The following GREB1L variants were observed in gnomAD, a reference collection of about 807,000 sequenced individuals.
GREB1L encodes GREB1 like retinoic acid receptor coactivator, also known as GREB1-like protein.
GREB1L carries 17 observed loss-of-function variants against 200.8 expected under a neutral mutation model. The ratio of observed to expected loss-of-function variants is 0.08; its 90% CI spans 0.06 to 0.13. The LOEUF (loss-of-function observed/expected upper bound fraction) is 0.13. Among genes scored for constraint, GREB1L ranks in the 10% least tolerant of loss-of-function variants. GREB1L has a pLI of 1.00. For synonymous variants in GREB1L, 789 were observed against 893.0 expected (o/e 0.88, Z 2.08); for missense variants, 1,657 against 2,367.7 (o/e 0.70, Z 6.23).
chr18:21,422,298 C>A (rs2032221119), intron 7 of GREB1L, among the ~76,000 whole-genome samples: 1 of 152,112 alleles, frequency 6.6e-6, no homozygotes, highest in African/African-American at 2.4e-5. Context: ...CCCAAATAAT[C>A]AAAACTGTTC....
At chr18:21,429,034 T>C (rs970554446) in intron 7 of GREB1L, among the ~76,000 whole-genome samples, 6 of 152,086 alleles carry the variant, frequency 3.9e-5, no homozygotes, top group African/African-American at 1.4e-4. Flanking sequence ...CCTTTTTATA[T>C]GCTGCTAGAT....
At chr18:21,270,579 C>T (rs2038062619) in intron 1 of GREB1L, among the ~76,000 whole-genome samples, 1 of 152,228 alleles carries the variant, frequency 6.6e-6, no homozygotes, top group Admixed American at 6.5e-5. Context: ...TGTCCTCTCT[C>T]ATCCCGCCCT....
At position 21,403,883 on chromosome 18, in the gene GREB1L, C is replaced by G; in HGVS notation, c.721C>G (p.Arg241Gly). The change falls in exon 7 of 33, where the codon CGA becomes GGA. Residue 241 changes from arginine to glycine, a missense_variant. Physicochemically the swap from Arg to Gly is moderately radical, Grantham distance 125. This residue lies in a region of GREB1L where 289 missense variants were observed against 345.1 expected (regional missense o/e 0.84). Transcript: ENST00000424526. ...TTACTCTTTTCCAGAATGTAGAAGC[C>G]GACAATCCTCTGCTTCTTGCCACTC... ...PLICWKECRS[R>G]QSSASCHSIK... 1 of 1,550,988 alleles carries G rather than the reference C, an allele frequency of 6.4e-7. No homozygotes were observed. Among genetic ancestry groups the G allele is most frequent in the Non-Finnish European group, 8.7e-7 (1 of 1,146,406 alleles).
intron 27 of GREB1L, among the ~76,000 whole-genome samples, chr18:21,513,219 C>T (rs1242790725): frequency 6.6e-6 from 1 of 152,178 alleles, no homozygotes; most frequent in Non-Finnish European, 1.5e-5. Flanking sequence ...CCTGTCTCTT[C>T]TCTTAATCTC....
rs2037670223 is a variant in GREB1L at position 21,525,491 on chromosome 18, C to T, written c.*2670C>T. ...ACAAGCTCCCTGACTCTGGCAATGT[C>T]CTAAAAAGGCTGGAAGTCAGTCACA... is the stretch of plus-strand genomic sequence containing the variant. On this transcript the variant is annotated 3_prime_UTR_variant, in exon 33 of 33. Coordinates refer to ENST00000424526, the MANE Select transcript of GREB1L (RefSeq NM_001142966.3). The T allele has an allele frequency of 6.6e-6, 1 of 151,886 alleles. No individual in the cohort carries two copies. Among genetic ancestry groups the T allele is most frequent in the Non-Finnish European group, 1.5e-5 (1 of 67,990 alleles). 9.4% of individuals were successfully genotyped at this position (151,886 alleles called of 1,614,324 possible).
chr18:21,501,764 G>C (rs1210691066), intron 23 of GREB1L, among the ~76,000 whole-genome samples: 2 of 152,146 alleles, frequency 1.3e-5, no homozygotes, highest in East Asian at 3.9e-4. Flanking sequence ...CTGAGTGAAG[G>C]CACGGGATTA....
intron 19 of GREB1L, among the ~76,000 whole-genome samples, 194 bp downstream of exon 19, chr18:21,490,545 AGCATGCAGTTAGT>A (rs2036292456): frequency 6.6e-6 from 1 of 152,268 alleles, no homozygotes; most frequent in East Asian, 1.9e-4. Flanking sequence ...AGCCCTTTAT[AGCATGCAGTTAGT>A]GCATGCAGTT....
intron 2 of GREB1L, among the ~76,000 whole-genome samples, chr18:21,372,304 C>G (rs1234364227): frequency 1.3e-5 from 2 of 151,738 alleles, no homozygotes; most frequent in Non-Finnish European, 2.9e-5. Flanking sequence ...CCCGCCACCC[C>G]GCCAGGCCAA....
At chr18:21,389,379 G>A (rs1298059809) in intron 4 of GREB1L, among the ~76,000 whole-genome samples, 1 of 112,426 alleles carries the variant, frequency 8.9e-6, no homozygotes, top group Admixed American at 1.1e-4. Flanking sequence ...CTCTTTTCAC[G>A]GGCACAGGAA....
chr18:21,386,489 C>G (rs1198373249), intron 4 of GREB1L, among the ~76,000 whole-genome samples: 2 of 151,734 alleles, frequency 1.3e-5, no homozygotes, highest in Admixed American at 1.3e-4. Context: ...TGGGGTTTCA[C>G]CATCTTGACC....
At chr18:21,437,063 G>A (rs2033595171) in intron 7 of GREB1L, among the ~76,000 whole-genome samples, 1 of 152,100 alleles carries the variant, frequency 6.6e-6, no homozygotes, top group South Asian at 2.1e-4. Context: ...AGCATAAAGA[G>A]AGCCTGTCAT....
At chr18:21,447,310 T>A (rs72882830) in intron 11 of GREB1L, among the ~76,000 whole-genome samples, 31,176 of 151,572 alleles carry the variant, frequency 0.21, 3,822 homozygotes, top group East Asian at 0.43. Context: ...AAAAAAAAAA[T>A]TTTTTTAAAA....
At position 21,522,640 on chromosome 18, in the gene GREB1L, CTG is replaced by C. The variant is rs893286686; in HGVS notation, c.5609-16_5609-15del. The C allele has an allele frequency of 7.2e-6, 11 of 1,537,758 alleles. No individual in the cohort carries two copies. In the African/African-American group the frequency reaches 1.5e-4, roughly 21 times the overall value. ...CAATCCCTGAGCCTAGGACATATTTCTGTCTTTTTTCCTGAAGGTGCTACACT... is the reference window on the plus strand; with the variant it reads ...CAATCCCTGAGCCTAGGACATATTTCTCTTTTTTCCTGAAGGTGCTACACT... On this transcript the variant is annotated splice_polypyrimidine_tract_variant and intron_variant, in intron 32 of 32. Transcript: ENST00000424526.
chr18:21,412,212 T>C (rs2031127051), intron 7 of GREB1L, among the ~76,000 whole-genome samples: 2 of 151,252 alleles, frequency 1.3e-5, no homozygotes, highest in African/African-American at 4.9e-5. Context: ...AGCCTTGTCT[T>C]GAACATAGTG....
At chr18:21,410,746 C>T (rs1218507442) in intron 7 of GREB1L, among the ~76,000 whole-genome samples, 1 of 147,840 alleles carries the variant, frequency 6.8e-6, no homozygotes, top group African/African-American at 2.5e-5. Flanking sequence ...AAAAAAAAAG[C>T]CATAAATTGG....
chr18:21,488,286 ACT>A (rs2036203287), intron 18 of GREB1L, among the ~76,000 whole-genome samples: 1 of 152,036 alleles, frequency 6.6e-6, no homozygotes, highest in Non-Finnish European at 1.5e-5. Context: ...ACAGAGCGGG[ACT>A]CTGTCTCGAA....
intron 18 of GREB1L, among the ~76,000 whole-genome samples, chr18:21,488,208 A>G (rs1484893694): frequency 3.9e-5 from 6 of 152,166 alleles, no homozygotes; most frequent in African/African-American, 1.4e-4. Flanking sequence ...AGGCAGGAGA[A>G]TTGCTTGAAC....
chr18:21,273,268 T>A (rs2038107481), intron 1 of GREB1L, among the ~76,000 whole-genome samples: 1 of 152,166 alleles, frequency 6.6e-6, no homozygotes, highest in African/African-American at 2.4e-5. Context: ...TAAATGATAA[T>A]GATAATTTGA....
At chr18:21,436,911 A>C (rs534201190) in intron 7 of GREB1L, among the ~76,000 whole-genome samples, 1 of 152,028 alleles carries the variant, frequency 6.6e-6, no homozygotes, top group East Asian at 1.9e-4. Context: ...AGGTTTCGCT[A>C]TGTTGTCTAG....
Sources: gnomAD v4.1 joint callset for allele counts (sites outside exome capture counted in the v4.1 genomes callset) on GRCh38, gnomAD v4.1.1 for gene constraint, gnomAD v4.1.1 regional missense constraint, MANE v1.5 for transcripts, NCBI Gene and HGNC (gene_info 2026-07-23, HGNC 2026-07-21) for gene names.